The following SEMA3C variants were observed in gnomAD, a reference collection of about 807,000 sequenced individuals.
SEMA3C encodes the protein semaphorin 3C, also known as semaphorin-3C.
In SEMA3C, 47 loss-of-function variants were observed where a neutral mutation model predicts 89.4. The observed-to-expected ratio is 0.53, with a 90% CI of 0.42 to 0.67. The LOEUF is 0.67. Among genes scored for constraint, SEMA3C ranks in the 30% least tolerant of loss-of-function variants. SEMA3C has a pLI of 0.00. For missense variants in SEMA3C, 839 were observed against 929.1 expected (o/e 0.90, Z 1.26); for synonymous variants, 310 against 320.2 (o/e 0.97, Z 0.34).
intron 13 of SEMA3C, among the ~76,000 whole-genome samples, chr7:80,764,682 T>A (rs1028526630): frequency 6.6e-6 from 1 of 152,276 alleles, no homozygotes; most frequent in Middle Eastern, 3.4e-3. Context: ...TTAACTGAAG[T>A]GACATTTGAA....
chr7:80,801,464 GATAA>G (rs1197311077), intron 9 of SEMA3C, among the ~76,000 whole-genome samples: 1 of 151,932 alleles, frequency 6.6e-6, no homozygotes, highest in Non-Finnish European at 1.5e-5. Flanking sequence ...ACAGTGAAGT[GATAA>G]ATAACAGAAT....
intron 8 of SEMA3C, among the ~76,000 whole-genome samples, chr7:80,803,862 C>A (rs949932945): frequency 6.6e-6 from 1 of 151,790 alleles, no homozygotes; most frequent in Non-Finnish European, 1.5e-5. Flanking sequence ...AAGATTTTTA[C>A]TAAAATAGGG....
chr7:80,843,721 T>C (rs1017720406), intron 2 of SEMA3C, among the ~76,000 whole-genome samples: 1 of 152,200 alleles, frequency 6.6e-6, no homozygotes. Context: ...AAATTAATCC[T>C]GCTAAATAAA....
At chr7:80,801,190 G>C (rs1412766081) in intron 9 of SEMA3C, among the ~76,000 whole-genome samples, 2 of 151,984 alleles carry the variant, frequency 1.3e-5, no homozygotes, top group Non-Finnish European at 2.9e-5. Context: ...CAAAGCTGTA[G>C]AAATATTCTG....
intron 16 of SEMA3C, among the ~76,000 whole-genome samples, chr7:80,750,473 T>TATATATACACACACACAC (rs869227686): frequency 1.9e-3 from 106 of 55,356 alleles, no homozygotes; most frequent in Non-Finnish European, 3.3e-3. Flanking sequence ...TATATATATA[T>TATATATACACACACACAC]ACACACACAC....
Position 80,798,369 on chromosome 7 carries a change from G to A in SEMA3C, c.987-133C>T, listed in dbSNP as rs567751445. On this transcript the variant is annotated intron_variant, in intron 10 of 17. Coordinates refer to ENST00000265361, the MANE Select transcript of SEMA3C (RefSeq NM_006379.5). ...AAAAGTTAAATGTTATCGAACACAT[G>A]TGAAAAGCTGAAAAACTTTGAAAAA... is the stretch of plus-strand genomic sequence containing the variant. 2.4e-5 allele frequency: 18 copies of A among 760,786 alleles called. No homozygotes were observed. The African/African-American group carries it at 2.8e-4, about 12-fold the overall frequency. The allele number at this position is 760,786 out of a possible 1,614,324, so 47.1% of individuals were successfully genotyped here.
chr7:80,798,162 G>A lies in SEMA3C; in HGVS notation c.1061C>T (p.Ala354Val), dbSNP rs751141919. ...DIQTVFNGPF[A>V]HKEGPNHQLI... Reference sequence around the variant, plus strand: ...CTGATGATTGGGCCCTTCTTTGTGGGCAAAAGGCCCATTAAACACAGTCTG... The same window carrying A: ...CTGATGATTGGGCCCTTCTTTGTGGACAAAAGGCCCATTAAACACAGTCTG... The change falls in exon 11 of 18, where the codon GCC becomes GTC. Residue 354 changes from alanine to valine, a missense_variant. Ala to Val is a moderately conservative substitution (Grantham distance 64). Coordinates refer to ENST00000265361, the MANE Select transcript of SEMA3C (RefSeq NM_006379.5). 1 of 1,607,272 alleles carries A rather than the reference G, an allele frequency of 6.2e-7. No individual in the cohort carries two copies. Among genetic ancestry groups the A allele is most frequent in the South Asian group, 1.1e-5 (1 of 89,966 alleles).
At chr7:80,809,829 A>G (rs1562885390) in intron 6 of SEMA3C, among the ~76,000 whole-genome samples, 1 of 152,208 alleles carries the variant, frequency 6.6e-6, no homozygotes, top group Non-Finnish European at 1.5e-5. Context: ...ACTGGAGGAC[A>G]TTACACTAAG....
At chr7:80,912,104 C>A (rs1224430235) in intron 2 of SEMA3C, among the ~76,000 whole-genome samples, 1 of 152,110 alleles carries the variant, frequency 6.6e-6, no homozygotes, top group Non-Finnish European at 1.5e-5. Flanking sequence ...CAGAATCAAG[C>A]TTATTATAAT....
Position 80,748,979 on chromosome 7 carries a change from G to GGTGTTATT in SEMA3C, c.1753_1760dup (p.Thr588IlefsTer33). 6.2e-7 allele frequency: 1 copy of GGTGTTATT among 1,613,116 alleles called. No individual in the cohort carries two copies. Among genetic ancestry groups the GGTGTTATT allele is most frequent in the Non-Finnish European group, 8.5e-7 (1 of 1,179,476 alleles). ...ACTTGGGGGCACACTCCAGAAAAGT[G>GGTGTTATT]GTGTTATTTTTTACTCCATACTGGA... On this transcript the variant is annotated frameshift_variant, in exon 17 of 18. Transcript: ENST00000265361. LOFTEE classifies it high-confidence loss of function.
intron 2 of SEMA3C, among the ~76,000 whole-genome samples, chr7:80,876,817 C>T (rs953932970): frequency 9.9e-5 from 15 of 152,144 alleles, no homozygotes; most frequent in African/African-American, 3.4e-4. Flanking sequence ...ATGCAAAATA[C>T]GTATTCTTAA....
At chr7:80,824,201 T>A (rs967109414) in intron 4 of SEMA3C, among the ~76,000 whole-genome samples, 15 of 152,208 alleles carry the variant, frequency 9.9e-5, no homozygotes, top group African/African-American at 3.1e-4. Flanking sequence ...TTTTAATTGC[T>A]AACACTTTAT....
At chr7:80,882,983 T>A (rs1351917902) in intron 2 of SEMA3C, among the ~76,000 whole-genome samples, 1 of 151,976 alleles carries the variant, frequency 6.6e-6, no homozygotes, top group Non-Finnish European at 1.5e-5. Context: ...TAAAGGTAAA[T>A]ACACCTGAAA....
At chr7:80,745,688 A>G (rs1363049083) in intron 17 of SEMA3C, among the ~76,000 whole-genome samples, 1 of 152,168 alleles carries the variant, frequency 6.6e-6, no homozygotes, top group African/African-American at 2.4e-5. Context: ...TAAAATATCT[A>G]TTCTATCCTG....
At chr7:80,878,862 T>G (rs960428526) in intron 2 of SEMA3C, among the ~76,000 whole-genome samples, 16 of 151,916 alleles carry the variant, frequency 1.1e-4, no homozygotes, top group African/African-American at 3.4e-4. Flanking sequence ...TACATAAAGA[T>G]GAATTCAAAA....
intron 2 of SEMA3C, among the ~76,000 whole-genome samples, chr7:80,867,260 A>G (rs1790949363): frequency 6.6e-6 from 1 of 151,912 alleles, no homozygotes; most frequent in African/African-American, 2.4e-5. Context: ...CTTTTCTTCT[A>G]TTTTTTCTTT....
intron 2 of SEMA3C, among the ~76,000 whole-genome samples, chr7:80,829,834 T>C (rs1789969484): frequency 6.6e-6 from 1 of 152,158 alleles, no homozygotes; most frequent in Non-Finnish European, 1.5e-5. Context: ...TGGTTCAGGA[T>C]TTATTTGTTC....
intron 2 of SEMA3C, among the ~76,000 whole-genome samples, chr7:80,888,177 C>CT (rs2116134475): frequency 6.6e-6 from 1 of 152,220 alleles, no homozygotes; most frequent in Admixed American, 6.5e-5. Context: ...CTTTGAGAGG[C>CT]TGAGGCAGGA....
At chr7:80,890,926 A>C (rs1791596407) in intron 2 of SEMA3C, among the ~76,000 whole-genome samples, 1 of 152,278 alleles carries the variant, frequency 6.6e-6, no homozygotes, top group Admixed American at 6.5e-5. Context: ...TGTTATCTGC[A>C]TGTCCTCTGA....
Sources: allele counts gnomAD v4.1 joint callset (sites outside exome capture counted in the v4.1 genomes callset), GRCh38; gene constraint gnomAD v4.1.1; transcripts MANE v1.5; gene names NCBI Gene and HGNC (gene_info 2026-07-23, HGNC 2026-07-21).